Variants in EHBP1 observed in about 807,000 individuals in gnomAD.
EHBP1 encodes EH domain binding protein 1.
A neutral mutation model predicts 144.0 loss-of-function variants in EHBP1; 55 were observed. The observed-to-expected ratio is 0.38, with a 90% CI of 0.31 to 0.48. The LOEUF (loss-of-function observed/expected upper bound fraction) is 0.48. EHBP1 is among the 20% of genes least tolerant of loss of function. The probability of loss-of-function intolerance (pLI) is 0.98; values close to 1 mark genes in which losing one functional copy is unlikely to be tolerated. For missense variants in EHBP1, 1,200 were observed against 1,364.2 expected (o/e 0.88, Z 1.90); for synonymous variants, 469 against 472.7 (o/e 0.99, Z 0.10).
Position 62,771,327 on chromosome 2 carries a change from CT to C in EHBP1, c.259-8del, listed in dbSNP as rs1318247149. 6 of 1,586,200 alleles carry C rather than the reference CT, an allele frequency of 3.8e-6. No individual in the cohort carries two copies. Among genetic ancestry groups the C allele is most frequent in the Middle Eastern group, 1.7e-4 (1 of 5,942 alleles). ...TATTTCAATTCCATTTCATATTTTGCTTTTGTTACAGGATCCTCATGCGGAA... is the reference window on the plus strand; with the variant it reads ...TATTTCAATTCCATTTCATATTTTGCTTTGTTACAGGATCCTCATGCGGAA... On this transcript the variant is annotated splice_polypyrimidine_tract_variant and intron_variant, in intron 4 of 22. Transcript: ENST00000431489.
chr2:62,787,394 G>GGCCCC (rs2042883266), intron 5 of EHBP1, among the ~76,000 whole-genome samples: 1 of 70,488 alleles, frequency 1.4e-5, no homozygotes, highest in Non-Finnish European at 2.8e-5. Context: ...CTGCACCGCT[G>GGCCCC]CCCCCCCCCC....
At chr2:62,927,021 T>C (rs2055572428) in intron 10 of EHBP1, among the ~76,000 whole-genome samples, 1 of 152,134 alleles carries the variant, frequency 6.6e-6, no homozygotes, top group Non-Finnish European at 1.5e-5. Context: ...AAAAAAAGAA[T>C]GAAATCCTGC....
At chr2:62,990,654 T>C in intron 15 of EHBP1, 62 bp from the exon 16 acceptor site, 1 of 1,541,296 alleles carries the variant, frequency 6.5e-7, no homozygotes, top group East Asian at 2.3e-5. Flanking sequence ...CACATAAAAT[T>C]GACAGCCTAC....
At chr2:62,757,519 C>T (rs1215039900) in intron 3 of EHBP1, among the ~76,000 whole-genome samples, 4 of 149,854 alleles carry the variant, frequency 2.7e-5, no homozygotes, top group African/African-American at 7.4e-5. Context: ...CTGCAACCTC[C>T]GCTTCCTGGG....
At chr2:62,889,959 ATTTT>A (rs1161025322) in intron 10 of EHBP1, among the ~76,000 whole-genome samples, 1 of 129,446 alleles carries the variant, frequency 7.7e-6, no homozygotes. Flanking sequence ...TTCCATATGA[ATTTT>A]TTTTTTTTTT....
rs116257032 is a variant in EHBP1, at chr2:62,698,992, G to C, written c.-295-7905G>C. Among the ~76,000 whole-genome samples, 305 of 152,240 alleles carry C rather than the reference G, an allele frequency of 2.0e-3. 1 individual carries two copies. The highest frequency in any genetic ancestry group is 7.0e-3 in the African/African-American group (289 of 41,538). ...TGCTTTCAGCTTGCTTTGAAATTTTGCTTTTTGTGTGTGTGTTCTTTGTAC... is the reference window on the plus strand; with the variant it reads ...TGCTTTCAGCTTGCTTTGAAATTTTCCTTTTTGTGTGTGTGTTCTTTGTAC... On this transcript the variant is annotated intron_variant, in intron 1 of 22. Transcript: ENST00000405015.
chr2:62,935,415 T>G (rs1415203434), intron 10 of EHBP1, among the ~76,000 whole-genome samples: 1 of 151,084 alleles, frequency 6.6e-6, no homozygotes, highest in African/African-American at 2.4e-5. Context: ...CTTGATAGTT[T>G]TTTATAGCAG....
chr2:62,924,073 C>T (rs940386940), intron 10 of EHBP1, among the ~76,000 whole-genome samples: 6 of 152,292 alleles, frequency 3.9e-5, no homozygotes, highest in East Asian at 3.9e-4. Flanking sequence ...TCCTGTGGAT[C>T]GCCCCCAGCA....
At chr2:63,029,877 C>G (rs766179929) in intron 19 of EHBP1, among the ~76,000 whole-genome samples, 2 of 151,890 alleles carry the variant, frequency 1.3e-5, no homozygotes, top group African/African-American at 2.4e-5. Context: ...TACAGGCACA[C>G]GCCACCATGC....
At chr2:62,956,976 A>G (rs188403983) in intron 14 of EHBP1, among the ~76,000 whole-genome samples, 243 of 152,350 alleles carry the variant, frequency 1.6e-3, no homozygotes, top group African/African-American at 5.6e-3. Flanking sequence ...GGAATAAGGC[A>G]TAAATATGTG....
chr2:62,737,965 A>G (rs533307141), intron 2 of EHBP1, among the ~76,000 whole-genome samples: 7 of 152,152 alleles, frequency 4.6e-5, no homozygotes, highest in Admixed American at 2.0e-4. Context: ...AGGTCTCACT[A>G]TGTTGTCCAA....
intron 2 of EHBP1, among the ~76,000 whole-genome samples, chr2:62,721,347 G>A (rs777023489): frequency 2.6e-5 from 4 of 152,146 alleles, no homozygotes; most frequent in African/African-American, 7.2e-5. Flanking sequence ...TGATATCAAC[G>A]TGACTTATCA....
intron 10 of EHBP1, among the ~76,000 whole-genome samples, chr2:62,921,732 G>A (rs2055103476): frequency 6.6e-6 from 1 of 152,174 alleles, no homozygotes. Context: ...GAAAATTTGT[G>A]TGTAGCTTTT....
rs921880941 is a variant in EHBP1 at position 62,923,862 on chromosome 2, C to A, written c.1186-18856C>A. Among the ~76,000 whole-genome samples the A allele has an allele frequency of 4.3e-4, 65 of 152,190 alleles. 1 individual carries two copies. Among genetic ancestry groups the A allele is most frequent in the Non-Finnish European group, 1.0e-4 (7 of 68,024 alleles). ...CTGTGGGCCACACCTGGCAAACACA[C>A]CCCCAAACCAGCTGACTGCATCATG... On this transcript the variant is annotated intron_variant, in intron 10 of 22. Transcript: ENST00000431489.
At chr2:62,975,849 G>A (rs2058684798) in intron 14 of EHBP1, among the ~76,000 whole-genome samples, 1 of 150,066 alleles carries the variant, frequency 6.7e-6, no homozygotes, top group Non-Finnish European at 1.5e-5. Flanking sequence ...AGCTGTGATT[G>A]CACCACTGCA....
At chr2:62,951,948 C>G (rs2057415947) in intron 13 of EHBP1, among the ~76,000 whole-genome samples, 1 of 152,164 alleles carries the variant, frequency 6.6e-6, no homozygotes. Context: ...CTCGTTTTGA[C>G]TCTCCCAATA....
At chr2:62,774,622 G>A (rs1234115621) in intron 5 of EHBP1, among the ~76,000 whole-genome samples, 3 of 152,080 alleles carry the variant, frequency 2.0e-5, no homozygotes, top group Non-Finnish European at 4.4e-5. Flanking sequence ...GGAAATGGTG[G>A]TGTATAAAAC....
At chr2:62,711,943 A>G (rs1216108281) in intron 2 of EHBP1, among the ~76,000 whole-genome samples, 2 of 152,152 alleles carry the variant, frequency 1.3e-5, no homozygotes, top group Non-Finnish European at 2.9e-5. Context: ...GATTACAGTG[A>G]GTATGATGAT....
chr2:62,727,544 A>G (rs1315805731), intron 2 of EHBP1, among the ~76,000 whole-genome samples: 1 of 152,152 alleles, frequency 6.6e-6, no homozygotes, highest in African/African-American at 2.4e-5. Context: ...AGATTTGCCT[A>G]TTCCAGATAC....
Sources: gnomAD v4.1 joint callset for allele counts (sites outside exome capture counted in the v4.1 genomes callset) on GRCh38, gnomAD v4.1.1 for gene constraint, MANE v1.5 for transcripts, NCBI Gene and HGNC (gene_info 2026-07-23, HGNC 2026-07-21) for gene names.